CHD7: variants seen among roughly 807,000 people sequenced by gnomAD.
The protein encoded by CHD7 is chromodomain helicase DNA binding protein 7.
CHD7 carries 24 observed loss-of-function variants against 307.3 expected under a neutral mutation model. That is an observed-to-expected ratio of 0.08 (90% CI 0.06 to 0.11). CHD7 has a LOEUF of 0.11. CHD7 is among the 10% of genes least tolerant of loss of function. CHD7 has a pLI of 1.00. For missense variants in CHD7, 3,106 were observed against 3,727.1 expected, an observed-to-expected ratio of 0.83 and a Z score of 4.34; for synonymous variants, 1,363 against 1,349.9, an observed-to-expected ratio of 1.01 and a Z score of -0.21.
intron 1 of CHD7, among the ~76,000 whole-genome samples, chr8:60,726,567 T>A (rs1469983900): frequency 6.6e-6 from 1 of 152,232 alleles, no homozygotes; most frequent in Non-Finnish European, 1.5e-5. Flanking sequence ...ATCTACAAAG[T>A]ACTGCGTTAA....
intron 2 of CHD7, among the ~76,000 whole-genome samples, chr8:60,750,939 G>A (rs1267238287): frequency 1.3e-5 from 2 of 152,146 alleles, no homozygotes; most frequent in Non-Finnish European, 2.9e-5. Flanking sequence ...AAGTAGTAGC[G>A]GTGTTTTTAG....
At chr8:60,746,294 A>G (rs1809322887) in intron 2 of CHD7, among the ~76,000 whole-genome samples, 1 of 152,260 alleles carries the variant, frequency 6.6e-6, no homozygotes, top group Non-Finnish European at 1.5e-5. Flanking sequence ...TAGTTATGAA[A>G]TAACTAAATT....
Position 60,742,584 on chromosome 8 carries a change from A to T in CHD7, c.1152A>T (p.Ser384=), listed in dbSNP as rs1306148558. The change falls in exon 2 of 38, where the codon TCA becomes TCT. Residue 384 remains serine, a synonymous_variant. Coordinates refer to ENST00000423902, the MANE Select transcript of CHD7 (RefSeq NM_017780.4). ...TGAACACACAAACTATGCATCCTTCACAGCCTCAGGGAACTTATGCCTCTC... is the reference window on the plus strand; with the variant it reads ...TGAACACACAAACTATGCATCCTTCTCAGCCTCAGGGAACTTATGCCTCTC... ...NQMNTQTMHP[S]QPQGTYASPP... The T allele has an allele frequency of 6.2e-7, 1 of 1,613,966 alleles. No individual in the cohort carries two copies. Among genetic ancestry groups the T allele is most frequent in the East Asian group, 2.2e-5 (1 of 44,884 alleles).
intron 1 of CHD7, among the ~76,000 whole-genome samples, chr8:60,681,027 G>A (rs762622696): frequency 6.7e-6 from 1 of 150,290 alleles, no homozygotes; most frequent in African/African-American, 2.4e-5. Flanking sequence ...AAGGGGTTAA[G>A]TGTTATTTCA....
intron 9 of CHD7, among the ~76,000 whole-genome samples, 188 bp from the exon 10 acceptor site, chr8:60,821,602 A>G (rs892004386): frequency 6.7e-6 from 1 of 150,262 alleles, no homozygotes; most frequent in Non-Finnish European, 1.5e-5. Context: ...ATACACACAT[A>G]CATATGTATA....
chr8:60,680,643 C>G (rs968242492), intron 1 of CHD7, among the ~76,000 whole-genome samples: 3 of 152,154 alleles, frequency 2.0e-5, no homozygotes, highest in African/African-American at 7.2e-5. Context: ...TGCTATGGGT[C>G]GGACTCTTTT....
chr8:60,718,911 G>A (rs1235019756), intron 1 of CHD7, among the ~76,000 whole-genome samples: 1 of 152,168 alleles, frequency 6.6e-6, no homozygotes, highest in Admixed American at 6.5e-5. Context: ...CCTTTTCTAT[G>A]CTTAGATACC....
In CHD7 at chr8:60,860,677, C is replaced by T. The variant is rs35951521; in HGVS notation, c.7609-227C>T. 0.12 allele frequency among the ~76,000 whole-genome samples: 18,980 copies of T among 152,212 alleles called. 2,420 individuals carry two copies. The highest frequency in any genetic ancestry group is 0.33 in the African/African-American group (13,508 of 41,496). On this transcript the variant is annotated intron_variant, in intron 34 of 37. Transcript: ENST00000423902. ...CTTGAACTCCTGACCTCAGGTGATC[C>T]GCCCACCTCGGCCTCCCAGAGTGCT... is the stretch of plus-strand genomic sequence containing the variant.
At position 60,855,967 on chromosome 8, in the gene CHD7, C is replaced by T. The variant is rs765520430; in HGVS notation, c.6937-8C>T. The T allele has an allele frequency of 1.5e-5, 23 of 1,576,684 alleles. No individual in the cohort carries two copies. The highest frequency in any genetic ancestry group is 1.8e-5 in the Non-Finnish European group (21 of 1,154,542). On this transcript the variant is annotated splice_polypyrimidine_tract_variant and splice_region_variant and intron_variant, in intron 32 of 37. Coordinates refer to ENST00000423902, the MANE Select transcript of CHD7 (RefSeq NM_017780.4). ...TAAAATTTCTTGTGACTTTTCTTCT[C>T]CCTCCAGGATAGAGTAATGATAAAC...
intron 3 of CHD7, among the ~76,000 whole-genome samples, chr8:60,781,654 A>C (rs1190109114): frequency 6.6e-6 from 1 of 152,248 alleles, no homozygotes; most frequent in Non-Finnish European, 1.5e-5. Context: ...ACTGGATACA[A>C]ATTAAAAATC....
intron 1 of CHD7, among the ~76,000 whole-genome samples, chr8:60,733,228 C>A (rs538157220): frequency 7.1e-4 from 72 of 101,692 alleles, no homozygotes; most frequent in Middle Eastern, 4.0e-3. Flanking sequence ...AGAGCGAGAC[C>A]CTGTCTCTTA....
At chr8:60,761,871 C>A (rs1430514972) in intron 2 of CHD7, among the ~76,000 whole-genome samples, 2 of 152,086 alleles carry the variant, frequency 1.3e-5, no homozygotes, top group African/African-American at 4.8e-5. Flanking sequence ...TCTTCAGGAG[C>A]CCTTGGCCAG....
chr8:60,742,536 C>A lies in CHD7; in HGVS notation c.1104C>A (p.His368Gln), dbSNP rs763250461. The change falls in exon 2 of 38, where the codon CAC (histidine) becomes CAA (glutamine). Residue 368 changes from histidine (H) to glutamine (Q), a missense_variant. Coordinates refer to ENST00000423902, the MANE Select transcript of CHD7 (RefSeq NM_017780.4). Reference sequence around the variant, plus strand: ...GACTAATGCACCAGCAGCCCATCCACCCCAGTGGCTCACTTAACCAAATGA... The same window carrying A: ...GACTAATGCACCAGCAGCCCATCCAACCCAGTGGCTCACTTAACCAAATGA... ...GQGLMHQQPI[H>Q]PSGSLNQMNT... is the part of the protein sequence containing the mutation. The A allele has an allele frequency of 1.9e-6, 3 of 1,613,908 alleles. No individual in the cohort carries two copies. Among genetic ancestry groups the A allele is most frequent in the Non-Finnish European group, 1.7e-6 (2 of 1,179,914 alleles).
chr8:60,864,845 A>C (rs1444273135), intron 37 of CHD7, 171 bp from the exon 38 acceptor site: 3 of 688,460 alleles, frequency 4.4e-6, no homozygotes, highest in East Asian at 5.5e-5. Context: ...AAGCTAACAT[A>C]ATAATAAAAA....
intron 28 of CHD7, among the ~76,000 whole-genome samples, 188 bp from the exon 29 acceptor site, chr8:60,851,831 T>TA (rs1350545991): frequency 6.6e-6 from 1 of 152,206 alleles, no homozygotes; most frequent in Non-Finnish European, 1.5e-5. Context: ...TCTAAGGAGG[T>TA]AAAAAAGAAA....
In CHD7 at chr8:60,865,255, C is replaced by A. The variant is rs747834653; in HGVS notation, c.8316C>A (p.Leu2772=). Residue 2772 remains leucine (L), a synonymous_variant, in exon 38 of 38, where the codon CTC becomes CTA. Transcript: ENST00000423902. This position sits in a 1 kb window ranked among gnomAD's most constrained non-coding sequence, Gnocchi z 4.3. ...TCCAGTCGCTCCAGCTGGCAGGCCTCATGGGCTTCCCTCCAGGACTGGCAA... is the reference window on the plus strand; with the variant it reads ...TCCAGTCGCTCCAGCTGGCAGGCCTAATGGGCTTCCCTCCAGGACTGGCAA... ...QNLQSLQLAG[L]MGFPPGLATA... 1 of 1,607,046 alleles carries A rather than the reference C, an allele frequency of 6.2e-7. No homozygotes were observed. Among genetic ancestry groups the A allele is most frequent in the Non-Finnish European group, 8.5e-7 (1 of 1,176,878 alleles).
intron 1 of CHD7, among the ~76,000 whole-genome samples, chr8:60,726,049 T>C (rs1328676145): frequency 6.6e-6 from 1 of 152,226 alleles, no homozygotes; most frequent in African/African-American, 2.4e-5. Context: ...GCAGTTACTT[T>C]CCGATTACTA....
chr8:60,844,917 C>G lies in CHD7; in HGVS notation c.4904C>G (p.Thr1635Ser). Residue 1635 changes from threonine to serine, a missense_variant, in exon 22 of 38, where the codon ACT becomes AGT. Thr to Ser is a moderately conservative substitution (Grantham distance 58). This residue lies in a region of CHD7 where 122 missense variants were observed against 124.5 expected (regional missense o/e 0.98). Transcript: ENST00000423902. ...CACGGACGCTATAAACGCCAACTCA[C>G]TGAGCAAGATGTAGAAACCATCTGC... Reference protein sequence around the residue: ...LSHGRYKRQLTEQDVETICRT... With the variant: ...LSHGRYKRQLSEQDVETICRT... 6.2e-7 allele frequency: 1 copy of G among 1,613,038 alleles called. No homozygotes were observed. Among genetic ancestry groups the G allele is most frequent in the Non-Finnish European group, 8.5e-7 (1 of 1,179,230 alleles).
At chr8:60,806,660 C>G (rs1384967729) in intron 6 of CHD7, among the ~76,000 whole-genome samples, 2 of 152,212 alleles carry the variant, frequency 1.3e-5, no homozygotes, top group East Asian at 3.8e-4. Flanking sequence ...ACCACTCCTG[C>G]ATATCCAGAC....
Sources: gnomAD v4.1 joint callset for allele counts (sites outside exome capture counted in the v4.1 genomes callset) on GRCh38, gnomAD v4.1.1 for gene constraint, gnomAD v4.1.1 regional missense constraint, Gnocchi (gnomAD v3.1) non-coding constraint, MANE v1.5 for transcripts, NCBI Gene and HGNC (gene_info 2026-07-23, HGNC 2026-07-21) for gene names.